The following GDA variants were observed in gnomAD, a reference collection of about 807,000 sequenced individuals.
GDA encodes the protein guanine deaminase, also known as cytoplasmic PSD-95 interactor.
In GDA, 18 loss-of-function variants were observed where a neutral mutation model predicts 59.6. That is an observed-to-expected ratio of 0.30 (90% confidence interval 0.21 to 0.45). GDA has a LOEUF of 0.45. Ranked by LOEUF, GDA falls within the 20% of genes least tolerant of loss-of-function variation. The probability of loss-of-function intolerance (pLI) is 1.00; values close to 1 mark genes in which losing one functional copy is unlikely to be tolerated. For missense variants in GDA, 427 were observed against 552.3 expected (o/e 0.77, Z 2.27); for synonymous variants, 201 against 201.1 (o/e 1.00, Z 0.00).
rs988955215 is a variant in GDA at position 72,149,658 on chromosome 9, C to T, written c.99C>T (p.Leu33=). ...CCATGGAGGTGCTGCGGGATCACCT[C>T]CTCGGCGTGAGCGACAGCGGCAAAG... is the stretch of plus-strand genomic sequence containing the variant. ...TCPMEVLRDH[L]LGVSDSGKIV... Residue 33 remains leucine (L), a synonymous_variant, in exon 1 of 14, where the codon CTC becomes CTT. Coordinates refer to ENST00000358399, the MANE Select transcript of GDA (RefSeq NM_004293.5). 6.2e-6 allele frequency: 10 copies of T among 1,603,712 alleles called. No individual in the cohort carries two copies. In the Admixed American group the frequency reaches 8.5e-5, roughly 14 times the overall value.
At chr9:72,240,841 G>A (rs1459984269) in intron 10 of GDA, among the ~76,000 whole-genome samples, 1 of 152,174 alleles carries the variant, frequency 6.6e-6, no homozygotes, top group Non-Finnish European at 1.5e-5. Context: ...TCATGGCCCT[G>A]CCAACACTTT....
At chr9:72,188,874 C>G (rs1258288417) in intron 1 of GDA, among the ~76,000 whole-genome samples, 1 of 152,112 alleles carries the variant, frequency 6.6e-6, no homozygotes, top group Non-Finnish European at 1.5e-5. Flanking sequence ...GTGGGGCTGC[C>G]GAAGACCTGT....
At chr9:72,213,587 A>G (rs1452490165) in intron 4 of GDA, among the ~76,000 whole-genome samples, 1 of 151,530 alleles carries the variant, frequency 6.6e-6, no homozygotes, top group Non-Finnish European at 1.5e-5. Context: ...GCGGATCACA[A>G]GGTCAGGAGA....
chr9:72,121,261 G>A (rs565529343), intron 1 of GDA, among the ~76,000 whole-genome samples: 7 of 152,254 alleles, frequency 4.6e-5, no homozygotes, highest in South Asian at 4.2e-4. Flanking sequence ...TGCAACATGC[G>A]TGTGGCAAAG....
chr9:72,147,877 G>A (rs962138156), upstream of GDA, among the ~76,000 whole-genome samples: 1 of 152,176 alleles, frequency 6.6e-6, no homozygotes, highest in African/African-American at 2.4e-5. Context: ...CAAGTGTAAT[G>A]ACCTCAGCTG....
chr9:72,173,266 T>A (rs539493497), intron 1 of GDA, among the ~76,000 whole-genome samples: 2 of 152,126 alleles, frequency 1.3e-5, no homozygotes, highest in African/African-American at 4.8e-5. Flanking sequence ...TCCAAAGCCA[T>A]GAATGCAGCA....
At chr9:72,149,717 G>A in intron 1 of GDA, 35 bp downstream of exon 1, 2 of 1,565,928 alleles carry the variant, frequency 1.3e-6, no homozygotes, top group Non-Finnish European at 1.7e-6. Context: ...ACTCCGACGG[G>A]CGGGAGGATA....
In GDA at chr9:72,176,773, G is replaced by T. The variant is rs1169380266; in HGVS notation, c.124-18727G>T. Among the ~76,000 whole-genome samples the T allele has an allele frequency of 2.0e-5, 3 of 152,078 alleles. No homozygotes were observed. In the South Asian group the frequency reaches 6.2e-4, roughly 32 times the overall value. On this transcript the variant is annotated intron_variant, in intron 1 of 13. Coordinates refer to ENST00000358399, the MANE Select transcript of GDA (RefSeq NM_004293.5). ...TTACATGATGGCTTTTCCAATATTTGCAACTGTGGTAATCTTAACTTTTCT... is the reference window on the plus strand; with the variant it reads ...TTACATGATGGCTTTTCCAATATTTTCAACTGTGGTAATCTTAACTTTTCT...
intron 6 of GDA, among the ~76,000 whole-genome samples, chr9:72,221,341 G>A (rs1268479491): frequency 6.6e-6 from 1 of 152,190 alleles, no homozygotes; most frequent in Non-Finnish European, 1.5e-5. Context: ...TGGCAGAGGA[G>A]CATCTGTCAT....
upstream of GDA, chr9:72,149,434 G>A (rs905221058): frequency 8.7e-7 from 1 of 1,145,982 alleles, no homozygotes; most frequent in Admixed American, 2.7e-5. Context: ...CCGGGTAAGC[G>A]GGGGCAGGAC....
intron 1 of GDA, among the ~76,000 whole-genome samples, chr9:72,124,520 C>T (rs1357545533): frequency 6.6e-6 from 1 of 151,744 alleles, no homozygotes; most frequent in Non-Finnish European, 1.5e-5. Flanking sequence ...GAGAAATCAC[C>T]AATAATATGT....
At chr9:72,226,723 C>A (rs952950499) in intron 8 of GDA, among the ~76,000 whole-genome samples, 11 of 152,164 alleles carry the variant, frequency 7.2e-5, no homozygotes, top group African/African-American at 1.2e-4. Flanking sequence ...CCATAGTTTT[C>A]ATTCTTTATA....
At chr9:72,177,440 T>C (rs1022971925) in intron 1 of GDA, among the ~76,000 whole-genome samples, 1 of 152,128 alleles carries the variant, frequency 6.6e-6, no homozygotes, top group Non-Finnish European at 1.5e-5. Context: ...AAATTAAAAA[T>C]TTTATTTCAA....
chr9:72,120,784 C>T (rs994489176), intron 1 of GDA, among the ~76,000 whole-genome samples: 2 of 152,198 alleles, frequency 1.3e-5, no homozygotes, highest in African/African-American at 2.4e-5. Context: ...TATGCTTCCA[C>T]CACCTACCCT....
At chr9:72,244,989 G>C (rs1157830928) in intron 11 of GDA, among the ~76,000 whole-genome samples, 159 bp from the exon 12 acceptor site, 3 of 152,070 alleles carry the variant, frequency 2.0e-5, no homozygotes, top group Admixed American at 6.6e-5. Context: ...GAAGTCTTGT[G>C]ACCTGTTAGA....
chr9:72,163,316 A>AT (rs1414735393), intron 1 of GDA, among the ~76,000 whole-genome samples: 1 of 152,124 alleles, frequency 6.6e-6, no homozygotes, highest in Admixed American at 6.5e-5. Context: ...AAAAATTGCA[A>AT]TTTGGGGGGC....
At chr9:72,245,624 G>A (rs149600877) in intron 12 of GDA, among the ~76,000 whole-genome samples, 7 of 152,302 alleles carry the variant, frequency 4.6e-5, no homozygotes, top group Non-Finnish European at 1.0e-4. Context: ...GCAACTCTAA[G>A]AGAGTAGGTA....
upstream of GDA, among the ~76,000 whole-genome samples, chr9:72,146,425 G>T (rs980820515): frequency 2.0e-5 from 3 of 152,060 alleles, no homozygotes; most frequent in East Asian, 5.8e-4. Context: ...AACCTCTGTA[G>T]CCAGGAGAAT....
At chr9:72,228,087 A>G in intron 9 of GDA, 47 bp downstream of exon 9, 1 of 1,063,430 alleles carries the variant, frequency 9.4e-7, no homozygotes, top group Non-Finnish European at 1.5e-6. Flanking sequence ...ATTGGGTTGC[A>G]GATTAGCAGC....
Sources: allele counts gnomAD v4.1 joint callset (sites outside exome capture counted in the v4.1 genomes callset), GRCh38; gene constraint gnomAD v4.1.1; transcripts MANE v1.5; gene names NCBI Gene and HGNC (gene_info 2026-07-23, HGNC 2026-07-21).